The following WIPI2 variants were observed in gnomAD, a reference collection of about 807,000 sequenced individuals.
WIPI2 encodes WD repeat domain, phosphoinositide interacting 2.
Under a neutral mutation model 52.3 loss-of-function variants are expected in WIPI2, and 28 were observed. The ratio of observed to expected loss-of-function variants is 0.54; its 90% CI spans 0.40 to 0.73. The LOEUF is 0.73. Among genes scored for constraint, WIPI2 ranks in the 30% least tolerant of loss-of-function variants. The pLI, the probability that WIPI2 is intolerant of heterozygous loss-of-function variation, is 0.00. For synonymous variants in WIPI2, 268 were observed against 245.0 expected, an observed-to-expected ratio of 1.09 and a Z score of -0.88; for missense variants, 506 against 602.9, an observed-to-expected ratio of 0.84 and a Z score of 1.68.
rs1362095124 is a variant in WIPI2, at chr7:5,225,909, A to G, written c.827A>G (p.Lys276Arg). The change falls in exon 9 of 13, where the codon AAA (lysine) becomes AGA (arginine). Residue 276 changes from lysine (K) to arginine (R), a missense_variant. By Grantham distance (26) the Lys-to-Arg change is conservative. Around this residue, in one of 4 missense-constraint regions of WIPI2, gnomAD observed 237 missense variants for 346.9 expected, o/e 0.68. Transcript: ENST00000288828. ...SSNTETVHIF[K>R]LETVKEKPPE... ...AACACTGAGACCGTGCACATCTTCA[A>G]ACTCGAGACTGTGAAAGAAAAGTGA... is the stretch of plus-strand genomic sequence containing the variant. The G allele has an allele frequency of 6.2e-7, 1 of 1,613,924 alleles. No homozygotes were observed. Among genetic ancestry groups the G allele is most frequent in the Non-Finnish European group, 8.5e-7 (1 of 1,179,978 alleles).
chr7:5,222,545 TG>T, intron 7 of WIPI2, 56 bp from the exon 8 acceptor site: 1 of 1,551,686 alleles, frequency 6.4e-7, no homozygotes, highest in Non-Finnish European at 8.9e-7. Context: ...CTGTGAAAGA[TG>T]GGAAATTCCT....
intron 1 of WIPI2, chr7:5,190,709 C>A: frequency 2.5e-6 from 1 of 404,576 alleles, no homozygotes; most frequent in Non-Finnish European, 4.3e-6. Flanking sequence ...GGTCCCGGAG[C>A]GGGAGAGGTG....
intron 3 of WIPI2, among the ~76,000 whole-genome samples, chr7:5,202,940 CTG>C (rs1782103095): frequency 6.6e-6 from 1 of 152,158 alleles, no homozygotes; most frequent in South Asian, 2.1e-4. Context: ...AAAAGCTGCA[CTG>C]TGTGTTTTCT....
At chr7:5,217,230 T>A (rs1782860940) in intron 6 of WIPI2, 43 bp downstream of exon 6, 1 of 1,604,210 alleles carries the variant, frequency 6.2e-7, no homozygotes, top group Admixed American at 1.7e-5. Flanking sequence ...AAAGTGTGGC[T>A]TTTTCCTGAA....
Position 5,190,361 on chromosome 7 carries a change from C to G in WIPI2, c.-59C>G. On this transcript the variant is annotated 5_prime_UTR_variant, in exon 1 of 13. Coordinates refer to ENST00000288828, the MANE Select transcript of WIPI2 (RefSeq NM_015610.4). ...GCCCGGCGCCGACCCTGAGTGCAGCCTGACCCGCCCTCGCGCGCGCGCCCT... is the reference window on the plus strand; with the variant it reads ...GCCCGGCGCCGACCCTGAGTGCAGCGTGACCCGCCCTCGCGCGCGCGCCCT... The G allele has an allele frequency of 8.0e-7, 1 of 1,257,148 alleles. No homozygotes were observed. The highest frequency in any genetic ancestry group is 1.6e-5 in the African/African-American group (1 of 63,076). 77.9% of individuals were successfully genotyped at this position (1,257,148 alleles called of 1,614,324 possible). A position where few individuals can be genotyped will look rare whatever the true frequency, so the allele number is the denominator to read the frequency against.
At chr7:5,213,372 T>C (rs1782653444) in intron 3 of WIPI2, 1 of 152,456 alleles carries the variant, frequency 6.6e-6, no homozygotes, top group African/African-American at 2.4e-5. Flanking sequence ...GCCCGTTCCA[T>C]TTGAAGTGGT....
At chr7:5,212,844 A>T (rs956994432) in intron 3 of WIPI2, among the ~76,000 whole-genome samples, 1 of 152,236 alleles carries the variant, frequency 6.6e-6, no homozygotes, top group Non-Finnish European at 1.5e-5. Context: ...CCCACCGCCT[A>T]GCAAGCAGGG....
intron 3 of WIPI2, among the ~76,000 whole-genome samples, chr7:5,203,815 G>GGGTTTCACCTAGTAGAGAC (rs1562389451): frequency 6.6e-6 from 1 of 151,800 alleles, no homozygotes; most frequent in Non-Finnish European, 1.5e-5. Context: ...AGTAGAGACA[G>GGGTTTCACCTAGTAGAGAC]GGTTTCACCG....
At chr7:5,208,488 C>G (rs1782399748) in intron 3 of WIPI2, among the ~76,000 whole-genome samples, 1 of 151,804 alleles carries the variant, frequency 6.6e-6, no homozygotes, top group African/African-American at 2.4e-5. Flanking sequence ...TTTGCCTACC[C>G]TGTAGTCAGG....
chr7:5,209,278 C>A (rs975750988), intron 3 of WIPI2, among the ~76,000 whole-genome samples: 1 of 151,994 alleles, frequency 6.6e-6, no homozygotes, highest in Non-Finnish European at 1.5e-5. Flanking sequence ...AATGTTTGTG[C>A]CTTTTATTTC....
intron 7 of WIPI2, among the ~76,000 whole-genome samples, chr7:5,221,963 TTTC>T (rs138547881): frequency 0.15 from 18,829 of 122,438 alleles, 1,326 homozygotes; most frequent in East Asian, 0.37. Flanking sequence ...TTTTTTTTTT[TTTC>T]CCCCCCCGAG....
chr7:5,201,474 T>G (rs762476638), intron 3 of WIPI2, among the ~76,000 whole-genome samples: 12 of 152,266 alleles, frequency 7.9e-5, no homozygotes, highest in Non-Finnish European at 1.5e-4. Flanking sequence ...CCGGGCGCAG[T>G]GGCTCACGCC....
intron 3 of WIPI2, among the ~76,000 whole-genome samples, chr7:5,209,498 A>G (rs923940319): frequency 6.6e-6 from 1 of 152,206 alleles, no homozygotes; most frequent in African/African-American, 2.4e-5. Flanking sequence ...TCTACCATGA[A>G]TGAGCATTGC....
chr7:5,193,954 G>A (rs1232033297), intron 2 of WIPI2, among the ~76,000 whole-genome samples: 1 of 152,178 alleles, frequency 6.6e-6, no homozygotes, highest in African/African-American at 2.4e-5. Context: ...TGTTTGAGGA[G>A]GGCAGGGGGT....
At position 5,227,106 on chromosome 7, in the gene WIPI2, G is replaced by A. The variant is rs531885670; in HGVS notation, c.849-74G>A. The A allele has an allele frequency of 2.1e-5, 33 of 1,579,574 alleles. No individual in the cohort carries two copies. The highest frequency in any genetic ancestry group is 9.0e-5 in the East Asian group (4 of 44,632). ...TTTGCTGTCGGCTCCAGAGCTGTGC[G>A]TCTGTGTGAGTAGGGGGTGGCCGTC... On this transcript the variant is annotated intron_variant, in intron 9 of 12. Coordinates refer to ENST00000288828, the MANE Select transcript of WIPI2 (RefSeq NM_015610.4). The surrounding 1 kb of genome is among the most constrained non-coding windows in gnomAD (Gnocchi z 8.1).
At chr7:5,190,821 C>T (rs902396912) in intron 1 of WIPI2, 4 of 224,596 alleles carry the variant, frequency 1.8e-5, no homozygotes, top group African/African-American at 9.1e-5. Flanking sequence ...CTTGACTTGT[C>T]TTGGCCGCCT....
chr7:5,190,514 C>T (rs983626750), intron 1 of WIPI2, 21 bp downstream of exon 1: 9 of 1,484,490 alleles, frequency 6.1e-6, no homozygotes, highest in Non-Finnish European at 8.1e-6. Flanking sequence ...GGTCGGGGGT[C>T]GGAGTCGGGG....
chr7:5,197,528 A>G (rs1185570833), intron 2 of WIPI2, among the ~76,000 whole-genome samples: 1 of 152,228 alleles, frequency 6.6e-6, no homozygotes, highest in Non-Finnish European at 1.5e-5. Flanking sequence ...ATAGTAAAGA[A>G]GCAAAAAATT....
In WIPI2 at chr7:5,231,281, C is replaced by T. The variant is rs1783712108; in HGVS notation, c.*334C>T. On this transcript the variant is annotated 3_prime_UTR_variant, in exon 13 of 13. Coordinates refer to ENST00000288828, the MANE Select transcript of WIPI2 (RefSeq NM_015610.4). The stretch of plus-strand genomic sequence containing the variant: ...GCCAGCATAGGGGAGCTAGAAGCCA[C>T]TTTCCAGCCACCTGCCGTTGGGTTT... The T allele has an allele frequency of 2.7e-5, 6 of 221,248 alleles. No individual in the cohort carries two copies. Among genetic ancestry groups the T allele is most frequent in the Non-Finnish European group, 5.3e-5 (6 of 112,266 alleles). 13.7% of individuals were successfully genotyped at this position (221,248 alleles called of 1,614,324 possible).
Sources: allele counts gnomAD v4.1 joint callset (sites outside exome capture counted in the v4.1 genomes callset), GRCh38; gene constraint gnomAD v4.1.1; regional missense constraint gnomAD v4.1.1; non-coding constraint Gnocchi (gnomAD v3.1); transcripts MANE v1.5; gene names NCBI Gene and HGNC (gene_info 2026-07-23, HGNC 2026-07-21).